Variants in TOGARAM1 observed in about 807,000 individuals in gnomAD.
The protein encoded by TOGARAM1 is TOG array regulator of axonemal microtubules 1.
Under a neutral mutation model 166.6 loss-of-function variants are expected in TOGARAM1, and 100 were observed. The observed-to-expected ratio is 0.60, with a 90% CI of 0.51 to 0.71. TOGARAM1 has a LOEUF of 0.71. Ranked by LOEUF, TOGARAM1 falls within the 30% of genes least tolerant of loss-of-function variation. TOGARAM1 has a pLI of 0.00. For missense variants in TOGARAM1, 2,029 were observed against 2,102.7 expected, an observed-to-expected ratio of 0.96 and a Z score of 0.69; for synonymous variants, 758 against 763.8, an observed-to-expected ratio of 0.99 and a Z score of 0.13.
intron 3 of TOGARAM1, among the ~76,000 whole-genome samples, chr14:45,001,886 G>C (rs1887705075): frequency 6.6e-6 from 1 of 152,194 alleles, no homozygotes; most frequent in Non-Finnish European, 1.5e-5. Context: ...CCGGTTATCA[G>C]TCAGGAATTT....
chr14:45,044,339 G>A (rs1881873101), intron 12 of TOGARAM1, among the ~76,000 whole-genome samples: 1 of 152,094 alleles, frequency 6.6e-6, no homozygotes, highest in Non-Finnish European at 1.5e-5. Context: ...CCAGGAGTTT[G>A]AGACCAGTCG....
intron 1 of TOGARAM1, among the ~76,000 whole-genome samples, chr14:44,990,007 C>T (rs1887044576): frequency 6.6e-6 from 1 of 152,170 alleles, no homozygotes. Flanking sequence ...TGAGAATTCA[C>T]TATCATGAGA....
chr14:45,065,996 A>G (rs2139001858), intron 16 of TOGARAM1, among the ~76,000 whole-genome samples: 1 of 152,322 alleles, frequency 6.6e-6, no homozygotes, highest in Non-Finnish European at 1.5e-5. Context: ...ACTATGCCCT[A>G]ACTGATAAGA....
intron 10 of TOGARAM1, 82 bp downstream of exon 10, chr14:45,028,411 A>G: frequency 7.3e-7 from 1 of 1,374,718 alleles, no homozygotes; most frequent in Non-Finnish European, 1.0e-6. Flanking sequence ...TGAGGGTAAT[A>G]TATGACTAAG....
Position 44,963,499 on chromosome 14 carries a change from T to C in TOGARAM1, c.1078T>C (p.Leu360=). 6.2e-7 allele frequency: 1 copy of C among 1,614,208 alleles called. No individual in the cohort carries two copies. Among genetic ancestry groups the C allele is most frequent in the Non-Finnish European group, 8.5e-7 (1 of 1,180,042 alleles). The part of the protein sequence containing the change: ...IIPQELHSRL[L]DQEDYKNRTQ... ...TCCTCAGGAGCTGCATTCACGATTA[T>C]TGGATCAGGAAGACTATAAGAACCG... Residue 360 remains leucine, a synonymous_variant, in exon 1 of 20, where the codon TTG becomes CTG. Transcript: ENST00000361462.
intron 1 of TOGARAM1, among the ~76,000 whole-genome samples, chr14:44,982,569 A>C (rs1366664151): frequency 6.6e-6 from 1 of 152,190 alleles, no homozygotes; most frequent in Non-Finnish European, 1.5e-5. Flanking sequence ...TTCAAGGTAG[A>C]GGAATTGATT....
Position 45,009,081 on chromosome 14 carries a change from G to A in TOGARAM1, c.3073G>A (p.Gly1025Arg). The A allele has an allele frequency of 6.2e-7, 1 of 1,614,000 alleles. No homozygotes were observed. Among genetic ancestry groups the A allele is most frequent in the South Asian group, 1.1e-5 (1 of 91,076 alleles). ...SPNINSYSES[G>R]VYSQESLTSS... ...AAACATCAATTCTTACAGTGAAAGT[G>A]GAGTTTACAGCCAAGAATCATTGAC... Residue 1025 changes from glycine (G) to arginine (R), a missense_variant, in exon 6 of 20, where the codon GGA becomes AGA. Around this residue, in one of 2 missense-constraint regions of TOGARAM1, gnomAD observed 1,453 missense variants for 1,432.2 expected, o/e 1.01. Transcript: ENST00000361462.
intron 1 of TOGARAM1, among the ~76,000 whole-genome samples, chr14:44,964,951 T>TAAAAAAAAAAAA (rs35780816): frequency 1.2e-5 from 1 of 85,898 alleles, no homozygotes; most frequent in Non-Finnish European, 2.2e-5. Context: ...ACTAGAAAAG[T>TAAAAAAAAAAAA]AAAAAAAAAA....
intron 7 of TOGARAM1, among the ~76,000 whole-genome samples, chr14:45,022,519 A>G (rs1880580938): frequency 6.6e-6 from 1 of 151,672 alleles, no homozygotes; most frequent in Non-Finnish European, 1.5e-5. Flanking sequence ...GCCATCTGAT[A>G]GGTGCTATCA....
At chr14:45,045,712 T>C (rs1050698927) in intron 13 of TOGARAM1, among the ~76,000 whole-genome samples, 1 of 132,212 alleles carries the variant, frequency 7.6e-6, no homozygotes, top group African/African-American at 2.9e-5. Flanking sequence ...TGTGTATATA[T>C]ATACACATAT....
At position 44,964,489 on chromosome 14, in the gene TOGARAM1, G is replaced by T. The variant is rs559154302; in HGVS notation, c.2046+22G>T. On this transcript the variant is annotated intron_variant, in intron 1 of 19. Coordinates refer to ENST00000361462, the MANE Select transcript of TOGARAM1 (RefSeq NM_001308120.2). ...GCAGGTATGCTTCTCTAATTTTCTT[G>T]AGTCGAAAGTGTGAAGAATTTAAAT... 52 of 1,518,734 alleles carry T rather than the reference G, an allele frequency of 3.4e-5. No individual in the cohort carries two copies. The Admixed American group carries it at 7.2e-4, about 21-fold the overall frequency. 94.1% of individuals were successfully genotyped at this position (1,518,734 alleles called of 1,614,324 possible). A position where few individuals can be genotyped will look rare whatever the true frequency, so the allele number is the denominator to read the frequency against.
chr14:45,045,567 ATATATATATATATATATGTGTG>A (rs1482873529), intron 13 of TOGARAM1, among the ~76,000 whole-genome samples: 7 of 41,506 alleles, frequency 1.7e-4, no homozygotes, highest in South Asian at 9.4e-4. Flanking sequence ...ATATATATAT[ATATATATATATATATATGTGTG>A]TGTGTGTGTG....
rs1198638762 is a variant in TOGARAM1 at position 44,963,818 on chromosome 14, T to G, written c.1397T>G (p.Val466Gly). Residue 466 changes from valine to glycine, a missense_variant, in exon 1 of 20, where the codon GTA (valine) becomes GGA (glycine). Physicochemically the swap from Val to Gly is moderately radical, Grantham distance 109. Transcript: ENST00000361462. ...ATCTTCCTCAAGCTAATGAAGGAAG[T>G]AGGACCTCAGCAGGTGCTTTGTTTA... ...MKIFLKLMKE[V>G]GPQQVLCLLL... 1 of 1,614,134 alleles carries G rather than the reference T, an allele frequency of 6.2e-7. No homozygotes were observed. The highest frequency in any genetic ancestry group is 2.2e-5 in the East Asian group (1 of 44,888).
At chr14:45,042,249 A>G (rs1881761853) in intron 11 of TOGARAM1, 1 of 152,126 alleles carries the variant, frequency 6.6e-6, no homozygotes, top group Non-Finnish European at 1.5e-5. Flanking sequence ...TGCTGTTAAG[A>G]TATAAACCAG....
intron 7 of TOGARAM1, among the ~76,000 whole-genome samples, chr14:45,014,118 T>G (rs1879977494): frequency 1.3e-5 from 2 of 149,110 alleles, no homozygotes; most frequent in South Asian, 4.2e-4. Context: ...TAATCTCAGC[T>G]CACTGCAAGC....
intron 13 of TOGARAM1, among the ~76,000 whole-genome samples, chr14:45,045,690 T>C (rs28600188): frequency 0.033 from 3,218 of 97,820 alleles, 225 homozygotes; most frequent in African/African-American, 0.2. Flanking sequence ...TACACATATA[T>C]ACACATATAT....
intron 15 of TOGARAM1, among the ~76,000 whole-genome samples, chr14:45,053,341 A>T (rs760017377): frequency 1.6e-4 from 25 of 152,134 alleles, no homozygotes; most frequent in Non-Finnish European, 2.6e-4. Context: ...GCGCCCAGCC[A>T]TGCCATGTCT....
chr14:45,026,773 A>G (rs1178796792), intron 8 of TOGARAM1, among the ~76,000 whole-genome samples: 2 of 151,854 alleles, frequency 1.3e-5, no homozygotes, highest in Non-Finnish European at 2.9e-5. Flanking sequence ...CCAGGCGGGC[A>G]GATCACTTGA....
At chr14:45,059,643 G>A (rs900566758) in intron 16 of TOGARAM1, among the ~76,000 whole-genome samples, 10 of 151,790 alleles carry the variant, frequency 6.6e-5, no homozygotes, top group African/African-American at 9.7e-5. Context: ...GCGACAGAGC[G>A]AGACTCTGTC....
Sources: gnomAD v4.1 joint callset for allele counts (sites outside exome capture counted in the v4.1 genomes callset) on GRCh38, gnomAD v4.1.1 for gene constraint, gnomAD v4.1.1 regional missense constraint, MANE v1.5 for transcripts, NCBI Gene and HGNC (gene_info 2026-07-23, HGNC 2026-07-21) for gene names.